INO80: variants seen among roughly 807,000 people sequenced by gnomAD.
INO80 encodes INO80 complex ATPase subunit, also known as chromatin-remodeling ATPase INO80.
In INO80, 20 loss-of-function variants were observed where a neutral mutation model predicts 203.4. That is an observed-to-expected ratio of 0.10 (90% CI 0.07 to 0.14). INO80 has a LOEUF of 0.14. INO80 is among the 10% of genes least tolerant of loss of function. The pLI is 1.00. For synonymous variants in INO80, 726 were observed against 685.2 expected, an observed-to-expected ratio of 1.06 and a Z score of -0.93; for missense variants, 1,419 against 1,914.4, an observed-to-expected ratio of 0.74 and a Z score of 4.83.
At position 40,988,596 on chromosome 15, in the gene INO80, C is replaced by T. The variant is rs556855059; in HGVS notation, c.3571-622G>A. 9.2e-5 allele frequency among the ~76,000 whole-genome samples: 14 copies of T among 151,804 alleles called. No homozygotes were observed. The South Asian group carries it at 1.7e-3, about 18-fold the overall frequency. On this transcript the variant is annotated intron_variant, in intron 29 of 35. Transcript: ENST00000648947. ...GCAATACCCTGTCTCAAAAACAAAA[C>T]AGGTCAGCTGTGGTGGCTCACACCT...
intron 27 of INO80, among the ~76,000 whole-genome samples, 151 bp downstream of exon 27, chr15:41,015,935 ACT>A (rs1315162767): frequency 6.8e-6 from 1 of 146,820 alleles, no homozygotes; most frequent in African/African-American, 2.5e-5. Context: ...ATAGAGTGAG[ACT>A]CTGTCTCAAA....
At chr15:41,024,359 A>G (rs2044343555) in intron 25 of INO80, 1 of 152,256 alleles carries the variant, frequency 6.6e-6, no homozygotes, top group Non-Finnish European at 1.5e-5. Context: ...AGTCAGCTGT[A>G]TCCCAGACAG....
intron 26 of INO80, among the ~76,000 whole-genome samples, chr15:41,019,715 G>C (rs2044261168): frequency 6.6e-6 from 1 of 152,196 alleles, no homozygotes; most frequent in African/African-American, 2.4e-5. Flanking sequence ...TCAGCTACAA[G>C]GCCATGTGTA....
At chr15:41,073,601 C>T in intron 10 of INO80, 106 bp from the exon 11 acceptor site, 1 of 943,028 alleles carries the variant, frequency 1.1e-6, no homozygotes, top group Non-Finnish European at 1.7e-6. Flanking sequence ...TTCTACTTAT[C>T]CCTGGGTTCA....
Position 41,069,562 on chromosome 15 carries a change from A to C in INO80, c.1782+8T>G. On this transcript the variant is annotated splice_region_variant and intron_variant, in intron 14 of 35. Coordinates refer to ENST00000648947, the MANE Select transcript of INO80 (RefSeq NM_017553.3). ...AGCAATAGATGTTTTGGTTGGACTG[A>C]TATTTACCTTAAATTTAGGAACAAA... The C allele has an allele frequency of 6.6e-7, 1 of 1,506,750 alleles. No individual in the cohort carries two copies. The highest frequency in any genetic ancestry group is 9.2e-7 in the Non-Finnish European group (1 of 1,087,674). 93.3% of individuals were successfully genotyped at this position (1,506,750 alleles called of 1,614,324 possible).
intron 1 of INO80, among the ~76,000 whole-genome samples, chr15:41,104,523 C>G (rs1566950986): frequency 6.6e-6 from 1 of 151,914 alleles, no homozygotes. Flanking sequence ...CTAGTTACTG[C>G]CAGGCCCTTA....
At chr15:41,113,320 G>A (rs1363447628) in intron 1 of INO80, among the ~76,000 whole-genome samples, 1 of 152,004 alleles carries the variant, frequency 6.6e-6, no homozygotes, top group East Asian at 1.9e-4. Context: ...CCACTGGAGT[G>A]CAGTGGCTCA....
At chr15:41,068,059 G>A (rs929074176) in intron 14 of INO80, among the ~76,000 whole-genome samples, 18 of 152,028 alleles carry the variant, frequency 1.2e-4, no homozygotes, top group East Asian at 1.9e-4. Flanking sequence ...TAATTAAATC[G>A]ATGTTCACAT....
chr15:41,042,614 C>T (rs2044687225), intron 24 of INO80, among the ~76,000 whole-genome samples: 1 of 152,116 alleles, frequency 6.6e-6, no homozygotes, highest in African/African-American at 2.4e-5. Context: ...GCTGGGATTA[C>T]AGGCGTGTGC....
Position 41,071,867 on chromosome 15 carries a change from C to T in INO80, c.1587G>A (p.Leu529=). The T allele has an allele frequency of 6.2e-7, 1 of 1,613,674 alleles. No homozygotes were observed. The change falls in exon 12 of 36, where the codon TTG becomes TTA. Residue 529 remains leucine (L), a synonymous_variant. Transcript: ENST00000648947. ...KGYQLKGMNW[L]ANLYEQGING... ...AATTCACCTGTTCATATAGATTGGC[C>T]AACCAATTCATGCCTTTCAGTTGAT... is the stretch of plus-strand genomic sequence containing the variant.
rs757286446 is a variant in INO80, at chr15:41,027,587, A to G, written c.3048+9T>C. ...ATCTATTTCATCTCTTCCCTCCTGG[A>G]GCACTTACTCGTGGACTGGCCACAC... On this transcript the variant is annotated intron_variant, in intron 25 of 35. Transcript: ENST00000648947. The G allele has an allele frequency of 2.5e-6, 4 of 1,591,962 alleles. No homozygotes were observed. Among genetic ancestry groups the G allele is most frequent in the African/African-American group, 1.3e-5 (1 of 74,116 alleles).
At position 41,039,512 on chromosome 15, in the gene INO80, C is replaced by T. The variant is rs187680013; in HGVS notation, c.2907+5392G>A. On this transcript the variant is annotated intron_variant, in intron 24 of 35. Coordinates refer to ENST00000648947, the MANE Select transcript of INO80 (RefSeq NM_017553.3). The stretch of plus-strand genomic sequence containing the variant: ...AATGATTGTTAACACACTTTGCCTA[C>T]TGTGGTATGCAGTAATATGTTTGTA... Among the ~76,000 whole-genome samples, 10 of 152,294 alleles carry T rather than the reference C, an allele frequency of 6.6e-5. No homozygotes were observed. The East Asian group carries it at 1.7e-3, about 26-fold the overall frequency.
chr15:40,984,529 G>A (rs1893949585), intron 32 of INO80, among the ~76,000 whole-genome samples, 177 bp from the exon 33 acceptor site: 1 of 151,934 alleles, frequency 6.6e-6, no homozygotes, highest in African/African-American at 2.4e-5. Context: ...ACAGGAGTTT[G>A]TGTGTATTTC....
At chr15:40,997,145 C>T (rs947243207) in intron 29 of INO80, among the ~76,000 whole-genome samples, 6 of 151,864 alleles carry the variant, frequency 4.0e-5, no homozygotes, top group Non-Finnish European at 7.4e-5. Flanking sequence ...GGCATGGTGG[C>T]GCATGCCTAT....
chr15:41,050,738 T>G, intron 19 of INO80, among the ~76,000 whole-genome samples: 1 of 152,212 alleles, frequency 6.6e-6, no homozygotes, highest in Non-Finnish European at 1.5e-5. Flanking sequence ...GTGATATACT[T>G]TCCACATATA....
Position 40,980,300 on chromosome 15 carries a change from G to A in INO80, c.4594C>T (p.His1532Tyr), listed in dbSNP as rs1436218498. The A allele has an allele frequency of 6.2e-7, 1 of 1,613,754 alleles. No homozygotes were observed. Among genetic ancestry groups the A allele is most frequent in the African/African-American group, 1.3e-5 (1 of 74,912 alleles). ...NNVPGNPKNLHMTSSLAPDSL... is the reference protein window; with the variant it reads ...NNVPGNPKNLYMTSSLAPDSL... ...TCTGGGGCTAGGCTGCTGGTCATGTGGAGGTTCTTGGGATTCCCAGGAACA... is the reference window on the plus strand; with the variant it reads ...TCTGGGGCTAGGCTGCTGGTCATGTAGAGGTTCTTGGGATTCCCAGGAACA... Residue 1532 changes from histidine to tyrosine, a missense_variant, in exon 36 of 36, where the codon CAC becomes TAC. Physicochemically the swap from His to Tyr is moderately conservative, Grantham distance 83 (BLOSUM62 2). Around this residue, in one of 9 missense-constraint regions of INO80, gnomAD observed 112 missense variants for 106.2 expected, o/e 1.05. Transcript: ENST00000648947.
At position 41,010,036 on chromosome 15, in the gene INO80, G is replaced by A. The variant is rs566466055; in HGVS notation, c.3403-4349C>T. The stretch of plus-strand genomic sequence containing the variant: ...TGGCCATCTCCGCTTAATATCTACT[G>A]GTCCTCTAACACATCCCATCAGTCT... On this transcript the variant is annotated intron_variant, in intron 27 of 35. Coordinates refer to ENST00000648947, the MANE Select transcript of INO80 (RefSeq NM_017553.3). Among the ~76,000 whole-genome samples the A allele has an allele frequency of 3.1e-4, 47 of 152,244 alleles. No homozygotes were observed. The Middle Eastern group carries it at 0.02, about 66-fold the overall frequency.
chr15:41,039,183 G>A (rs901995003), intron 24 of INO80, among the ~76,000 whole-genome samples: 1 of 151,972 alleles, frequency 6.6e-6, no homozygotes, highest in Admixed American at 6.6e-5. Flanking sequence ...TCACTATGTT[G>A]CCCAGGCTGG....
chr15:41,106,631 C>CA (rs1347867027), intron 1 of INO80, among the ~76,000 whole-genome samples: 15 of 148,986 alleles, frequency 1.0e-4, no homozygotes, highest in South Asian at 4.2e-4. Flanking sequence ...CCTGTCTCAA[C>CA]AAAAAAAAAG....
Sources: allele counts gnomAD v4.1 joint callset (sites outside exome capture counted in the v4.1 genomes callset), GRCh38; gene constraint gnomAD v4.1.1; regional missense constraint gnomAD v4.1.1; transcripts MANE v1.5; gene names NCBI Gene and HGNC (gene_info 2026-07-23, HGNC 2026-07-21).